The following CYGB variants were observed in gnomAD, a reference collection of about 807,000 sequenced individuals.
The protein encoded by CYGB is cytoglobin, also known as histoglobin.
Under a neutral mutation model 20.7 loss-of-function variants are expected in CYGB, and 13 were observed. That is an observed-to-expected ratio of 0.63 (90% CI 0.41 to 1.00). The LOEUF (loss-of-function observed/expected upper bound fraction) is 1.00, where lower values mean the gene tolerates loss of function less well. Among genes scored for constraint, CYGB ranks in the 50% least tolerant of loss-of-function variants. The probability of loss-of-function intolerance (pLI) is 0.00; values close to 1 mark genes in which losing one functional copy is unlikely to be tolerated. For synonymous variants in CYGB, 93 were observed against 107.4 expected (o/e 0.87, Z 0.83); for missense variants, 218 against 257.2 (o/e 0.85, Z 1.04).
intron 1 of CYGB, among the ~76,000 whole-genome samples, chr17:76,549,365 C>G (rs943854598): frequency 6.6e-6 from 1 of 152,180 alleles, no homozygotes; most frequent in Non-Finnish European, 1.5e-5. Context: ...CGGTGGCTCA[C>G]GCCTGTAATA....
At chr17:76,548,748 A>G (rs2075080081) in intron 1 of CYGB, among the ~76,000 whole-genome samples, 1 of 152,260 alleles carries the variant, frequency 6.6e-6, no homozygotes, top group Non-Finnish European at 1.5e-5. Context: ...CTGTGTCTGG[A>G]GTGCTGTGTG....
chr17:76,540,344 A>G, upstream of CYGB: 1 of 1,299,308 alleles, frequency 7.7e-7, no homozygotes, highest in Non-Finnish European at 1.1e-6. The surrounding 1 kb of genome is among the most constrained non-coding windows in gnomAD (Gnocchi z 5.0). Flanking sequence ...CATTTTGAGG[A>G]ACCCTTGAGA....
intron 1 of CYGB, chr17:76,543,449 C>T (rs936440754): frequency 1.8e-5 from 6 of 340,640 alleles, no homozygotes; most frequent in Admixed American, 1.6e-4. Flanking sequence ...CAAGGGCTTC[C>T]ATTCATTCTG....
At chr17:76,550,289 TTTGCTCTCATCACCTAGGC>T (rs1426029282) in intron 1 of CYGB, 2 of 146,002 alleles carry the variant, frequency 1.4e-5, no homozygotes, top group Admixed American at 6.9e-5. Context: ...GAGATGGAGT[TTTGCTCTCATCACCTAGGC>T]TGGAGTGCAA....
At chr17:76,540,206 G>C, upstream of CYGB, 1 of 1,467,376 alleles carries the variant, frequency 6.8e-7, no homozygotes, top group Non-Finnish European at 9.2e-7. The surrounding 1 kb of genome is among the most constrained non-coding windows in gnomAD (Gnocchi z 5.0). Flanking sequence ...TTTGCCAACC[G>C]AGTCCAACCG....
chr17:76,537,509 G>C lies in CYGB; in HGVS notation c.34C>G (p.Arg12Gly), dbSNP rs1307722812. ...EKVPGEMEIE[R>G]RERSEELSEA... is the part of the protein sequence containing the mutation. ...GACAGCTCCTCGCTCCGCTCCCTGC[G>C]CTCGATCTCCATCTCGCCTGGCACT... is the stretch of plus-strand genomic sequence containing the variant. Residue 12 changes from arginine (R) to glycine (G), a missense_variant, in exon 1 of 4, where the codon CGC (arginine) becomes GGC (glycine). Coordinates refer to ENST00000293230, the MANE Select transcript of CYGB (RefSeq NM_134268.5). 2 of 1,576,390 alleles carry C rather than the reference G, an allele frequency of 1.3e-6. No homozygotes were observed. The highest frequency in any genetic ancestry group is 1.8e-5 in the Admixed American group (1 of 56,676).
In CYGB at chr17:76,531,763, G is replaced by T; in HGVS notation, c.144-72C>A. The T allele has an allele frequency of 7.5e-7, 1 of 1,326,584 alleles. No homozygotes were observed. Among genetic ancestry groups the T allele is most frequent in the Non-Finnish European group, 1.0e-6 (1 of 959,598 alleles). 82.2% of individuals were successfully genotyped at this position (1,326,584 alleles called of 1,614,324 possible). ...GGCCCACCCTGAAGCTTCCAGGATA[G>T]TGGGGGCTGAAGAAGTGGACCGCAG... On this transcript the variant is annotated intron_variant, in intron 1 of 3. Transcript: ENST00000293230. This position sits in a 1 kb window ranked among gnomAD's most constrained non-coding sequence, Gnocchi z 7.4.
upstream of CYGB, among the ~76,000 whole-genome samples, chr17:76,541,183 T>A (rs2074988657): frequency 1.3e-5 from 2 of 152,080 alleles, no homozygotes; most frequent in Admixed American, 1.3e-4. Flanking sequence ...GGGTGACCAG[T>A]GTCGTTCGAT....
chr17:76,532,738 T>C (rs1481259062), intron 1 of CYGB, among the ~76,000 whole-genome samples: 1 of 151,912 alleles, frequency 6.6e-6, no homozygotes, highest in African/African-American at 2.4e-5. Context: ...GGTTTCACCA[T>C]GTTGGCCAGG....
chr17:76,527,834 G>A lies in CYGB; in HGVS notation c.*744C>T, dbSNP rs1452629450. The stretch of plus-strand genomic sequence containing the variant: ...GCCCCTGCCCATTCTAGGACAGCCG[G>A]TGAGTCAGTTCCTCTGAGGGAGTAG... On this transcript the variant is annotated 3_prime_UTR_variant, in exon 4 of 4. Transcript: ENST00000293230. 2.2e-6 allele frequency: 1 copy of A among 453,574 alleles called. No homozygotes were observed. Among genetic ancestry groups the A allele is most frequent in the South Asian group, 1.6e-5 (1 of 64,478 alleles). 28.1% of individuals were successfully genotyped at this position (453,574 alleles called of 1,614,324 possible).
chr17:76,537,478 G>A lies in CYGB; in HGVS notation c.65C>T (p.Ala22Val). The change falls in exon 1 of 4, where the codon GCG becomes GTG. Residue 22 changes from alanine (A) to valine (V), a missense_variant. Physicochemically the swap from Ala to Val is moderately conservative, Grantham distance 64 (BLOSUM62 0). Transcript: ENST00000293230. ...CATAGCCTGCACCGCCTTCCTCTCC[G>A]CCTCGGACAGCTCCTCGCTCCGCTC... ...RRERSEELSE[A>V]ERKAVQAMWA... 1.3e-6 allele frequency: 2 copies of A among 1,592,376 alleles called. No homozygotes were observed. Among genetic ancestry groups the A allele is most frequent in the East Asian group, 2.4e-5 (1 of 41,972 alleles).
rs1461221213 is a variant in CYGB at position 76,527,587 on chromosome 17, T to C, written c.*991A>G. The C allele has an allele frequency of 2.2e-6, 1 of 451,748 alleles. No individual in the cohort carries two copies. Among genetic ancestry groups the C allele is most frequent in the South Asian group, 1.6e-5 (1 of 64,392 alleles). The allele number at this position is 451,748 out of a possible 1,614,324, so 28.0% of individuals were successfully genotyped here. A position where few individuals can be genotyped will look rare whatever the true frequency, so the allele number is the denominator to read the frequency against. ...CCCTGGCAAGCCTGACGCAGATGAA[T>C]AGACAGGGCCGACTGCCGGCCAGGA... On this transcript the variant is annotated 3_prime_UTR_variant, in exon 4 of 4. Transcript: ENST00000293230.
chr17:76,540,262 G>A (rs765266825), upstream of CYGB: 2 of 738,396 alleles, frequency 2.7e-6, no homozygotes, highest in South Asian at 3.0e-5. This position sits in a 1 kb window ranked among gnomAD's most constrained non-coding sequence, Gnocchi z 5.0. Context: ...GGGGGGGGGG[G>A]GCATGGGGCT....
rs2074935677 is a variant in CYGB, at chr17:76,537,669, G to A, written c.-127C>T. 2 of 862,538 alleles carry A rather than the reference G, an allele frequency of 2.3e-6. No individual in the cohort carries two copies. Among genetic ancestry groups the A allele is most frequent in the East Asian group, 2.4e-4 (2 of 8,202 alleles). The allele number at this position is 862,538 out of a possible 1,614,324, so 53.4% of individuals were successfully genotyped here. On this transcript the variant is annotated 5_prime_UTR_variant, in exon 1 of 4. Transcript: ENST00000293230. ...GCGGGCGGGCGAGGGGTAGAGCGCGGAGGGAGGGAGCGTGTGTCTGTGCGC... is the reference window on the plus strand; with the variant it reads ...GCGGGCGGGCGAGGGGTAGAGCGCGAAGGGAGGGAGCGTGTGTCTGTGCGC...
rs139265686 is a variant in CYGB at position 76,531,212 on chromosome 17, C to T, written c.376-70G>A. ...GCGTCCTGCAACCCCCAGGCCCCTC[C>T]GCCCCACGTGTGGCCGAGAGGATCA... On this transcript the variant is annotated intron_variant, in intron 2 of 3. Coordinates refer to ENST00000293230, the MANE Select transcript of CYGB (RefSeq NM_134268.5). The surrounding 1 kb of genome is among the most constrained non-coding windows in gnomAD (Gnocchi z 7.4). 0.011 allele frequency: 17,138 copies of T among 1,495,674 alleles called. 127 individuals carry two copies. Among genetic ancestry groups the T allele is most frequent in the Non-Finnish European group, 0.014 (15,710 of 1,093,018 alleles). 92.7% of individuals were successfully genotyped at this position (1,495,674 alleles called of 1,614,324 possible). A position where few individuals can be genotyped will look rare whatever the true frequency, so the allele number is the denominator to read the frequency against.
upstream of CYGB, chr17:76,540,488 A>G: frequency 1.2e-6 from 2 of 1,612,318 alleles, no homozygotes; most frequent in Non-Finnish European, 8.5e-7. The surrounding 1 kb of genome is among the most constrained non-coding windows in gnomAD (Gnocchi z 5.0). Flanking sequence ...CTTCCTCCCT[A>G]CTCTTGCCTC....
exon 1 of CYGB, chr17:76,550,942 T>A (rs765472190): frequency 2.6e-5 from 4 of 152,216 alleles, no homozygotes; most frequent in Admixed American, 6.5e-5. Context: ...CTCCTCCTCC[T>A]CCTCATTTTA....
intron 1 of CYGB, among the ~76,000 whole-genome samples, chr17:76,534,144 C>CG (rs2074885673): frequency 9.2e-6 from 1 of 109,282 alleles, no homozygotes; most frequent in Non-Finnish European, 1.8e-5. Flanking sequence ...CTCTCTTTCT[C>CG]TTTCTCTCTC....
upstream of CYGB, chr17:76,542,705 C>A: frequency 1.0e-6 from 1 of 963,466 alleles, no homozygotes; most frequent in Non-Finnish European, 1.7e-6. Context: ...CAGGCAAGTC[C>A]CGGCCATGTG....
Sources: allele counts gnomAD v4.1 joint callset (sites outside exome capture counted in the v4.1 genomes callset), GRCh38; gene constraint gnomAD v4.1.1; non-coding constraint Gnocchi (gnomAD v3.1); transcripts MANE v1.5; gene names NCBI Gene and HGNC (gene_info 2026-07-23, HGNC 2026-07-21).